The following COL25A1 variants were observed in gnomAD, a reference collection of about 807,000 sequenced individuals.
COL25A1 encodes collagen type XXV alpha 1 chain.
In COL25A1, 103 loss-of-function variants were observed where a neutral mutation model predicts 128.4. That is an observed-to-expected ratio of 0.80 (90% CI 0.68 to 0.94). The LOEUF (loss-of-function observed/expected upper bound fraction) is 0.94. Among genes scored for constraint, COL25A1 ranks in the 40% least tolerant of loss-of-function variants. The pLI is 0.00. For missense variants in COL25A1, 745 were observed against 840.0 expected (o/e 0.89, Z 1.40); for synonymous variants, 279 against 277.2 (o/e 1.01, Z -0.06).
chr4:109,192,713 G>A (rs1024866071), intron 3 of COL25A1, among the ~76,000 whole-genome samples: 2 of 152,092 alleles, frequency 1.3e-5, no homozygotes, highest in African/African-American at 4.8e-5. Flanking sequence ...AATTAGCCAG[G>A]TGTGGTCGGG....
chr4:109,230,518 CAT>C (rs1222098231), intron 3 of COL25A1, among the ~76,000 whole-genome samples: 1 of 152,156 alleles, frequency 6.6e-6, no homozygotes, highest in African/African-American at 2.4e-5. Flanking sequence ...AATTAAGTCA[CAT>C]GTGTTTAGCA....
chr4:109,019,394 A>ATATATATATATATATATATATATATATT, intron 5 of COL25A1, among the ~76,000 whole-genome samples: 1 of 141,880 alleles, frequency 7.0e-6, no homozygotes, highest in Admixed American at 7.2e-5. Flanking sequence ...ATATATATAT[A>ATATATATATATATATATATATATATATT]TATATTTATA....
intron 20 of COL25A1, among the ~76,000 whole-genome samples, chr4:108,866,423 G>C (rs1473619642): frequency 2.6e-5 from 4 of 151,852 alleles, no homozygotes; most frequent in African/African-American, 9.7e-5. Flanking sequence ...AAACTCCTGG[G>C]CTCAAGCAAT....
At chr4:108,837,657 A>G (rs746212938) in intron 31 of COL25A1, among the ~76,000 whole-genome samples, 4 of 152,230 alleles carry the variant, frequency 2.6e-5, no homozygotes, top group Non-Finnish European at 4.4e-5. Context: ...ACCTCACTCC[A>G]TCAACAATGG....
At chr4:108,896,539 G>A in intron 16 of COL25A1, 128 bp downstream of exon 16, 1 of 651,912 alleles carries the variant, frequency 1.5e-6, no homozygotes, top group Non-Finnish European at 2.7e-6. Context: ...TCTAATCTTG[G>A]AGAATGATCT....
At chr4:109,300,526 C>T (rs776826821) in intron 3 of COL25A1, 57 bp downstream of exon 3, 4 of 1,206,122 alleles carry the variant, frequency 3.3e-6, no homozygotes, top group Non-Finnish European at 3.7e-6. Context: ...GACACAGGAC[C>T]TTTGTTTTAA....
chr4:109,178,277 G>T (rs557761826), intron 3 of COL25A1, among the ~76,000 whole-genome samples: 1 of 152,096 alleles, frequency 6.6e-6, no homozygotes, highest in African/African-American at 2.4e-5. Flanking sequence ...TTTCAACTAC[G>T]TTGGGTAAGG....
At chr4:109,268,998 C>T (rs186654280) in intron 3 of COL25A1, among the ~76,000 whole-genome samples, 10 of 151,388 alleles carry the variant, frequency 6.6e-5, no homozygotes, top group Admixed American at 2.6e-4. Context: ...TAGTTACATA[C>T]GTATGCATGT....
chr4:109,178,835 CAAAA>C (rs34132262), intron 3 of COL25A1, among the ~76,000 whole-genome samples: 1 of 47,544 alleles, frequency 2.1e-5, no homozygotes, highest in African/African-American at 9.3e-5. Flanking sequence ...ACTCCATCTC[CAAAA>C]AAAAAAAAAA....
chr4:108,904,346 T>A (rs895377904), intron 13 of COL25A1, among the ~76,000 whole-genome samples: 11 of 152,128 alleles, frequency 7.2e-5, no homozygotes, highest in Non-Finnish European at 7.4e-5. Context: ...ACACATTAGG[T>A]GGCATCTAAT....
At chr4:108,983,399 G>A (rs1379754017) in intron 6 of COL25A1, among the ~76,000 whole-genome samples, 1 of 152,156 alleles carries the variant, frequency 6.6e-6, no homozygotes, top group Admixed American at 6.5e-5. Flanking sequence ...ATACGTTCAT[G>A]TTTATACCTT....
chr4:109,088,036 A>C (rs1764565402), intron 3 of COL25A1, among the ~76,000 whole-genome samples: 1 of 150,196 alleles, frequency 6.7e-6, no homozygotes, highest in African/African-American at 2.4e-5. Flanking sequence ...ATTGAAAATA[A>C]ATTTTTAAAT....
At chr4:109,001,552 G>A (rs36191788) in intron 6 of COL25A1, among the ~76,000 whole-genome samples, 9 of 152,210 alleles carry the variant, frequency 5.9e-5, no homozygotes, top group Non-Finnish European at 1.0e-4. Context: ...GTATAAGGTA[G>A]AAAGGGAATG....
At chr4:108,938,812 A>T (rs1231682309) in intron 10 of COL25A1, among the ~76,000 whole-genome samples, 1 of 152,100 alleles carries the variant, frequency 6.6e-6, no homozygotes, top group African/African-American at 2.4e-5. Context: ...AGCGGAGATC[A>T]CACCACTGCT....
chr4:109,169,790 A>C (rs1773422516), intron 3 of COL25A1, among the ~76,000 whole-genome samples: 1 of 152,200 alleles, frequency 6.6e-6, no homozygotes, highest in African/African-American at 2.4e-5. Context: ...AAGGGAAAAG[A>C]GCAAAAGAAA....
At chr4:109,099,474 T>C (rs1765692613) in intron 3 of COL25A1, among the ~76,000 whole-genome samples, 1 of 152,010 alleles carries the variant, frequency 6.6e-6, no homozygotes, top group Non-Finnish European at 1.5e-5. Flanking sequence ...AAGTGATCCT[T>C]TGCCTATATT....
At chr4:109,082,173 T>C (rs1268293685) in intron 3 of COL25A1, among the ~76,000 whole-genome samples, 1 of 152,238 alleles carries the variant, frequency 6.6e-6, no homozygotes, top group Non-Finnish European at 1.5e-5. Context: ...TATTCCATTG[T>C]ATGCAAATAC....
intron 3 of COL25A1, among the ~76,000 whole-genome samples, chr4:109,218,364 T>TTTG (rs1778183449): frequency 2.3e-5 from 3 of 130,154 alleles, no homozygotes; most frequent in Admixed American, 7.7e-5. Flanking sequence ...GGGGTTTTTT[T>TTTG]TTTTTTTTTT....
chr4:109,301,628 A>G, intron 2 of COL25A1, 95 bp downstream of exon 2: 1 of 1,413,366 alleles, frequency 7.1e-7, no homozygotes, highest in Non-Finnish European at 9.7e-7. Context: ...AGCCACACCA[A>G]GTATGGGTAC....
Sources: gnomAD v4.1 joint callset for allele counts (sites outside exome capture counted in the v4.1 genomes callset) on GRCh38, gnomAD v4.1.1 for gene constraint, MANE v1.5 for transcripts, NCBI Gene and HGNC (gene_info 2026-07-23, HGNC 2026-07-21) for gene names.